RIMKLB: variants seen among roughly 807,000 people sequenced by gnomAD.
The protein encoded by RIMKLB is beta-citrylglutamate synthase B.
Under a neutral mutation model 32.0 loss-of-function variants are expected in RIMKLB, and 7 were observed. That is an observed-to-expected ratio of 0.22 (90% CI 0.12 to 0.41). RIMKLB has a LOEUF of 0.41. Among genes scored for constraint, RIMKLB ranks in the 10% least tolerant of loss-of-function variants. The pLI, the probability that RIMKLB is intolerant of heterozygous loss-of-function variation, is 1.00. For missense variants in RIMKLB, 289 were observed against 498.7 expected (o/e 0.58, Z 4.00); for synonymous variants, 172 against 185.1 (o/e 0.93, Z 0.57).
intron 5 of RIMKLB, among the ~76,000 whole-genome samples, chr12:8,765,325 G>T (rs766763172): frequency 6.6e-6 from 1 of 152,076 alleles, no homozygotes; most frequent in Non-Finnish European, 1.5e-5. Flanking sequence ...CTGATTCTGT[G>T]TCCCAGTGAG....
chr12:8,763,672 G>A (rs922920539), intron 5 of RIMKLB, among the ~76,000 whole-genome samples: 2 of 152,222 alleles, frequency 1.3e-5, no homozygotes, highest in South Asian at 2.1e-4. Context: ...CACAAGTGGC[G>A]AGGAAGTTTA....
chr12:8,726,356 T>C (rs1418051434), intron 2 of RIMKLB, among the ~76,000 whole-genome samples: 1 of 152,274 alleles, frequency 6.6e-6, no homozygotes, highest in Non-Finnish European at 1.5e-5. Flanking sequence ...TTTGGTGTGG[T>C]GTCCAGGTCT....
At chr12:8,724,917 G>T (rs111969713) in intron 2 of RIMKLB, among the ~76,000 whole-genome samples, 5,036 of 152,238 alleles carry the variant, frequency 0.033, 282 homozygotes, top group African/African-American at 0.11. Context: ...GGTTAGTGGA[G>T]GGCTGATGTA....
At chr12:8,753,833 G>T in intron 4 of RIMKLB, 57 bp from the exon 5 acceptor site, 1 of 1,293,358 alleles carries the variant, frequency 7.7e-7, no homozygotes, top group Non-Finnish European at 1.1e-6. Context: ...CAGATAATAG[G>T]TATCATCTGC....
chr12:8,776,083 A>T lies in RIMKLB; in HGVS notation c.*2299A>T. 2 of 984,194 alleles carry T rather than the reference A, an allele frequency of 2.0e-6. No individual in the cohort carries two copies. Among genetic ancestry groups the T allele is most frequent in the Non-Finnish European group, 2.4e-6 (2 of 828,822 alleles). The allele number at this position is 984,194 out of a possible 1,614,324, so 61.0% of individuals were successfully genotyped here. The stretch of plus-strand genomic sequence containing the variant: ...TTGCCATGTGTATTATGACACATAC[A>T]CTTTGAATAGTTACATATCACAAGT... On this transcript the variant is annotated 3_prime_UTR_variant, in exon 6 of 6. Transcript: ENST00000535829.
downstream of RIMKLB, chr12:8,780,220 T>C (rs1246316535): frequency 6.6e-6 from 1 of 152,154 alleles, no homozygotes; most frequent in Non-Finnish European, 1.5e-5. Context: ...TTTGTAGGAG[T>C]TGTAGACTAC....
chr12:8,767,747 A>G (rs536288217), intron 5 of RIMKLB, among the ~76,000 whole-genome samples: 3 of 152,246 alleles, frequency 2.0e-5, no homozygotes, highest in Non-Finnish European at 2.9e-5. Context: ...AGGCAGACCA[A>G]CGCTCCCAAT....
intron 2 of RIMKLB, among the ~76,000 whole-genome samples, chr12:8,715,228 C>CTT (rs61677474): frequency 0.014 from 1,715 of 123,732 alleles, 43 homozygotes; most frequent in African/African-American, 0.05. Context: ...TGCTCTTGTT[C>CTT]TTTTTTTTTT....
chr12:8,733,408 T>A (rs1946724945), intron 2 of RIMKLB, among the ~76,000 whole-genome samples: 3 of 152,134 alleles, frequency 2.0e-5, no homozygotes, highest in African/African-American at 4.8e-5. Context: ...AGATCCATCG[T>A]GTAGTATCTG....
intron 5 of RIMKLB, among the ~76,000 whole-genome samples, chr12:8,762,897 C>T (rs749720213): frequency 2.0e-5 from 3 of 152,170 alleles, no homozygotes; most frequent in South Asian, 4.1e-4. Context: ...CCTTAAGCGG[C>T]GTAGGTGTGA....
chr12:8,739,389 C>A (rs1195807348), intron 2 of RIMKLB, among the ~76,000 whole-genome samples: 1 of 152,154 alleles, frequency 6.6e-6, no homozygotes, highest in East Asian at 1.9e-4. Flanking sequence ...CACTATGTTG[C>A]CCAGGCTGGT....
At chr12:8,745,737 G>A (rs1364343693) in intron 2 of RIMKLB, among the ~76,000 whole-genome samples, 15 of 140,052 alleles carry the variant, frequency 1.1e-4, no homozygotes, top group African/African-American at 2.7e-4. Context: ...CTCTGTCGCC[G>A]AGGCTGGAGT....
At chr12:8,692,637 T>C (rs1177392596), upstream of RIMKLB, among the ~76,000 whole-genome samples, 1 of 152,208 alleles carries the variant, frequency 6.6e-6, no homozygotes, top group African/African-American at 2.4e-5. Context: ...ATTCAGCCAA[T>C]GTATGGTCTT....
At chr12:8,731,351 G>T (rs1442573114) in intron 2 of RIMKLB, among the ~76,000 whole-genome samples, 1 of 152,098 alleles carries the variant, frequency 6.6e-6, no homozygotes, top group Non-Finnish European at 1.5e-5. Context: ...ACCCACATCG[G>T]CCTCCCAAAG....
intron 5 of RIMKLB, among the ~76,000 whole-genome samples, chr12:8,761,343 G>T (rs2039698698): frequency 6.6e-6 from 1 of 150,426 alleles, no homozygotes; most frequent in East Asian, 1.9e-4. Flanking sequence ...ACCTTCTTTG[G>T]ATAGCTTACT....
upstream of RIMKLB, among the ~76,000 whole-genome samples, chr12:8,694,343 G>A (rs938874649): frequency 1.3e-5 from 2 of 150,852 alleles, no homozygotes; most frequent in African/African-American, 4.9e-5. Context: ...CTCCCAAACT[G>A]CTGGGATTAC....
intron 2 of RIMKLB, among the ~76,000 whole-genome samples, chr12:8,743,331 G>A (rs1428071029): frequency 1.1e-4 from 15 of 141,378 alleles, no homozygotes; most frequent in Admixed American, 9.4e-4. Flanking sequence ...TCCAGCCTGG[G>A]TGACAGAGCC....
At chr12:8,764,727 C>T (rs569293320) in intron 5 of RIMKLB, among the ~76,000 whole-genome samples, 42 of 152,278 alleles carry the variant, frequency 2.8e-4, no homozygotes, top group Non-Finnish European at 4.7e-4. Flanking sequence ...CTCAGAGGAC[C>T]TTCGTCCCCT....
chr12:8,732,815 C>T (rs1946676127), intron 2 of RIMKLB, among the ~76,000 whole-genome samples: 1 of 150,912 alleles, frequency 6.6e-6, no homozygotes. Flanking sequence ...AAGAATCATA[C>T]ACATTGCTCT....
Sources: gnomAD v4.1 joint callset for allele counts (sites outside exome capture counted in the v4.1 genomes callset) on GRCh38, gnomAD v4.1.1 for gene constraint, MANE v1.5 for transcripts, NCBI Gene and HGNC (gene_info 2026-07-23, HGNC 2026-07-21) for gene names.